The following PDE10A variants were observed in gnomAD, a reference collection of about 807,000 sequenced individuals.
PDE10A encodes cAMP and cAMP-inhibited cGMP 3',5'-cyclic phosphodiesterase 10A.
PDE10A carries 39 observed loss-of-function variants against 97.7 expected under a neutral mutation model. The observed-to-expected ratio is 0.40, with a 90% CI of 0.31 to 0.52. The LOEUF (loss-of-function observed/expected upper bound fraction) is 0.52, where lower values mean the gene tolerates loss of function less well. Ranked by LOEUF, PDE10A falls within the 20% of genes least tolerant of loss-of-function variation. PDE10A has a pLI of 0.56. For synonymous variants in PDE10A, 371 were observed against 376.8 expected (o/e 0.98, Z 0.18); for missense variants, 731 against 1,047.8 (o/e 0.70, Z 4.17).
chr6:165,407,504 T>C (rs2128223902), intron 13 of PDE10A, among the ~76,000 whole-genome samples: 1 of 152,378 alleles, frequency 6.6e-6, no homozygotes, highest in South Asian at 2.1e-4. Flanking sequence ...AATAAAGCCT[T>C]ATATCAAATA....
intron 3 of PDE10A, among the ~76,000 whole-genome samples, chr6:165,466,435 C>T (rs1778656242): frequency 1.3e-5 from 2 of 152,190 alleles, no homozygotes; most frequent in Admixed American, 6.5e-5. Context: ...AGATGTATTT[C>T]TGAATGTCAG....
At chr6:165,455,506 T>C (rs899450131) in intron 3 of PDE10A, among the ~76,000 whole-genome samples, 4 of 152,212 alleles carry the variant, frequency 2.6e-5, no homozygotes, top group Non-Finnish European at 4.4e-5. Flanking sequence ...TTAATTACTA[T>C]GACCAAAAGC....
intron 1 of PDE10A, among the ~76,000 whole-genome samples, chr6:165,764,167 G>A (rs746229867): frequency 1.3e-5 from 2 of 152,174 alleles, no homozygotes; most frequent in African/African-American, 2.4e-5. Context: ...CTCTGCCTGG[G>A]CAGACCTGGG....
intron 3 of PDE10A, among the ~76,000 whole-genome samples, chr6:165,455,976 T>C (rs559517634): frequency 1.3e-5 from 2 of 152,362 alleles, no homozygotes; most frequent in East Asian, 3.9e-4. Flanking sequence ...CTTGAAATTC[T>C]AATGACTCTA....
intron 1 of PDE10A, chr6:165,781,041 A>T (rs2128461625): frequency 6.6e-6 from 1 of 152,316 alleles, no homozygotes; most frequent in Non-Finnish European, 1.5e-5. Flanking sequence ...TGCTGTTCTC[A>T]TGGTAGTGAG....
At chr6:165,546,721 A>G (rs1387668833) in intron 1 of PDE10A, among the ~76,000 whole-genome samples, 1 of 152,112 alleles carries the variant, frequency 6.6e-6, no homozygotes, top group Non-Finnish European at 1.5e-5. Context: ...AGATTTCTCA[A>G]TGGTAGAGTG....
At chr6:165,456,159 T>C (rs1376812400) in intron 3 of PDE10A, among the ~76,000 whole-genome samples, 1 of 152,228 alleles carries the variant, frequency 6.6e-6, no homozygotes, top group African/African-American at 2.4e-5. Context: ...ACTAGTTCTG[T>C]ATTTTCTTTA....
chr6:165,656,570 G>A, intron 1 of PDE10A, among the ~76,000 whole-genome samples: 1 of 151,928 alleles, frequency 6.6e-6, no homozygotes. Context: ...ACACTCGTCT[G>A]AGGGGTCATT....
At chr6:165,691,175 C>T (rs12202525) in intron 1 of PDE10A, among the ~76,000 whole-genome samples, 76,559 of 102,424 alleles carry the variant, frequency 0.75, 30,128 homozygotes, top group Non-Finnish European at 0.84. Context: ...CTTTCTTTCT[C>T]TCTCTCTCTC....
intron 16 of PDE10A, among the ~76,000 whole-genome samples, chr6:165,389,357 G>A (rs746602676): frequency 3.9e-4 from 59 of 152,220 alleles, no homozygotes; most frequent in Non-Finnish European, 2.6e-4. Flanking sequence ...AAATGTAATA[G>A]AGCTTTAGAC....
chr6:165,555,714 G>A (rs989448562), intron 1 of PDE10A, among the ~76,000 whole-genome samples: 1 of 152,084 alleles, frequency 6.6e-6, no homozygotes, highest in African/African-American at 2.4e-5. Flanking sequence ...AAATTGTCTA[G>A]CTAGCCATCA....
chr6:165,592,120 A>G (rs997343802), intron 1 of PDE10A, among the ~76,000 whole-genome samples: 3 of 152,238 alleles, frequency 2.0e-5, no homozygotes, highest in Middle Eastern at 3.2e-3. Context: ...ATATAGACCA[A>G]TGGAACAGAA....
rs112707754 is a variant in PDE10A, at chr6:165,418,278, G to A, written c.1796+357C>T. ...CACCGGTTGGGAAGAAGTAGGGGCC[G>A]AATTGCATAAGCACACCTTTTCTCT... On this transcript the variant is annotated intron_variant, in intron 11 of 21. Transcript: ENST00000539869. The surrounding 1 kb of genome is among the most constrained non-coding windows in gnomAD (Gnocchi z 4.8). Among the ~76,000 whole-genome samples the A allele has an allele frequency of 4.6e-5, 7 of 152,300 alleles. No homozygotes were observed. Among genetic ancestry groups the A allele is most frequent in the African/African-American group, 7.2e-5 (3 of 41,558 alleles).
intron 1 of PDE10A, among the ~76,000 whole-genome samples, chr6:165,897,841 T>C (rs1369657575): frequency 2.0e-5 from 3 of 152,002 alleles, no homozygotes; most frequent in Non-Finnish European, 4.4e-5. Flanking sequence ...CTGGAGGGCT[T>C]CATTTCCAGA....
chr6:165,641,976 C>G (rs1789158336), intron 1 of PDE10A, among the ~76,000 whole-genome samples: 4 of 152,098 alleles, frequency 2.6e-5, no homozygotes, highest in Admixed American at 2.6e-4. Flanking sequence ...TGGTAGGAAT[C>G]TGGTTTCCTT....
chr6:165,434,227 A>T (rs16897864), intron 6 of PDE10A, among the ~76,000 whole-genome samples: 3,869 of 145,866 alleles, frequency 0.027, 172 homozygotes, highest in African/African-American at 0.089. Flanking sequence ...GAGAACTTAT[A>T]CAGCATGGGC....
chr6:165,848,497 C>G (rs1780485621), intron 1 of PDE10A, among the ~76,000 whole-genome samples: 1 of 152,178 alleles, frequency 6.6e-6, no homozygotes, highest in Non-Finnish European at 1.5e-5. Context: ...TGATTAAATT[C>G]CATATGCTAT....
chr6:165,609,349 G>T (rs1787380941), intron 1 of PDE10A, among the ~76,000 whole-genome samples: 1 of 152,128 alleles, frequency 6.6e-6, no homozygotes, highest in African/African-American at 2.4e-5. Flanking sequence ...GGTACTGATG[G>T]GACATCTCTC....
At chr6:165,666,806 CTTG>C (rs372956363), upstream of PDE10A, among the ~76,000 whole-genome samples, 28 of 152,302 alleles carry the variant, frequency 1.8e-4, no homozygotes, top group African/African-American at 6.7e-4. Flanking sequence ...GGGTAAGTCT[CTTG>C]TTAAGAAAGT....
Sources: allele counts gnomAD v4.1 joint callset (sites outside exome capture counted in the v4.1 genomes callset), GRCh38; gene constraint gnomAD v4.1.1; non-coding constraint Gnocchi (gnomAD v3.1); transcripts MANE v1.5; gene names NCBI Gene and HGNC (gene_info 2026-07-23, HGNC 2026-07-21).